Variants in ADCY2 observed in about 807,000 individuals in gnomAD.
ADCY2 encodes the protein adenylate cyclase 2, also known as adenylate cyclase type 2.
Under a neutral mutation model 125.2 loss-of-function variants are expected in ADCY2, and 31 were observed. That is an observed-to-expected ratio of 0.25 (90% CI 0.19 to 0.33). The LOEUF is 0.33. Ranked by LOEUF, ADCY2 falls within the 10% of genes least tolerant of loss-of-function variation. The pLI, the probability that ADCY2 is intolerant of heterozygous loss-of-function variation, is 1.00. For missense variants in ADCY2, 904 were observed against 1,418.2 expected (o/e 0.64, Z 5.82); for synonymous variants, 512 against 548.4 (o/e 0.93, Z 0.93).
intron 15 of ADCY2, among the ~76,000 whole-genome samples, chr5:7,748,522 A>ACG: frequency 2.8e-5 from 1 of 36,114 alleles, no homozygotes; most frequent in African/African-American, 7.4e-5. Flanking sequence ...ACCCTCCAAC[A>ACG]CACACACACA....
At position 7,589,119 on chromosome 5, in the gene ADCY2, T is replaced by TGC. The variant is rs1475070477; in HGVS notation, c.571-37048_571-37047insGC. 5.9e-5 allele frequency among the ~76,000 whole-genome samples: 9 copies of TGC among 152,128 alleles called. 1 individual carries two copies. Among genetic ancestry groups the TGC allele is most frequent in the African/African-American group, 2.2e-4 (9 of 41,440 alleles). On this transcript the variant is annotated intron_variant, in intron 3 of 24. Coordinates refer to ENST00000338316, the MANE Select transcript of ADCY2 (RefSeq NM_020546.3). ...ATTTGCAAGGCACTGTAATGGTCCTTAATAGCCACTTGATAATTGCACAAT... is the reference window on the plus strand; with the variant it reads ...ATTTGCAAGGCACTGTAATGGTCCTTGCAATAGCCACTTGATAATTGCACAAT...
chr5:7,454,935 T>C (rs961287005), intron 2 of ADCY2, among the ~76,000 whole-genome samples: 3 of 152,196 alleles, frequency 2.0e-5, no homozygotes, highest in African/African-American at 7.2e-5. Context: ...ATCCCCCTCA[T>C]GCATAGAGCA....
chr5:7,503,759 C>T (rs1315621397), intron 2 of ADCY2, among the ~76,000 whole-genome samples: 2 of 152,202 alleles, frequency 1.3e-5, no homozygotes, highest in African/African-American at 2.4e-5. Context: ...TAGAGATCAG[C>T]GCCAATGTGC....
intron 4 of ADCY2, among the ~76,000 whole-genome samples, chr5:7,673,287 A>ATATATATATATGT (rs58507866): frequency 3.2e-5 from 1 of 31,260 alleles, no homozygotes; most frequent in Non-Finnish European, 6.3e-5. Flanking sequence ...TATATATATA[A>ATATATATATATGT]AATTAGCCAG....
intron 2 of ADCY2, among the ~76,000 whole-genome samples, chr5:7,483,097 A>G (rs1742798191): frequency 6.6e-6 from 1 of 152,106 alleles, no homozygotes; most frequent in Non-Finnish European, 1.5e-5. Context: ...TCTAGTGCCC[A>G]GTAACACAGT....
intron 7 of ADCY2, among the ~76,000 whole-genome samples, chr5:7,706,221 C>T (rs1741262422): frequency 6.6e-6 from 1 of 152,176 alleles, no homozygotes; most frequent in Non-Finnish European, 1.5e-5. Flanking sequence ...ATGTGCACAA[C>T]TGGAAAGGCT....
At chr5:7,461,346 C>T (rs13359218) in intron 2 of ADCY2, among the ~76,000 whole-genome samples, 1,794 of 152,312 alleles carry the variant, frequency 0.012, 35 homozygotes, top group African/African-American at 0.041. Context: ...AGGCAACTGG[C>T]AAGCTCCGCC....
chr5:7,820,500 TA>T (rs796499238), intron 23 of ADCY2, 64 bp from the exon 24 acceptor site: 24 of 1,576,634 alleles, frequency 1.5e-5, no homozygotes, highest in East Asian at 9.3e-5. Flanking sequence ...TCTCAAAAAA[TA>T]AAAAAAATAA....
At chr5:7,567,308 C>T (rs1202929763) in intron 3 of ADCY2, among the ~76,000 whole-genome samples, 1 of 152,144 alleles carries the variant, frequency 6.6e-6, no homozygotes, top group Non-Finnish European at 1.5e-5. Flanking sequence ...AGACTTCTCT[C>T]TGGTTTCTGT....
Position 7,396,496 on chromosome 5 carries a change from C to T in ADCY2, c.200C>T (p.Ala67Val). The part of the protein sequence containing the change: ...SCLALLAVFF[A>V]LGLEVEDHVA... The stretch of plus-strand genomic sequence containing the variant: ...CTCGCCCTGCTCGCCGTCTTCTTCG[C>T]GCTCGGGCTGGTGAGTGGCCTCCCC... Residue 67 changes from alanine (A) to valine (V), a missense_variant, in exon 1 of 25, where the codon GCG (alanine) becomes GTG (valine). Ala to Val is a moderately conservative substitution (Grantham distance 64). Coordinates refer to ENST00000338316, the MANE Select transcript of ADCY2 (RefSeq NM_020546.3). This position sits in a 1 kb window ranked among gnomAD's most constrained non-coding sequence, Gnocchi z 5.7. 6 of 1,564,404 alleles carry T rather than the reference C, an allele frequency of 3.8e-6. No homozygotes were observed. Among genetic ancestry groups the T allele is most frequent in the Non-Finnish European group, 5.2e-6 (6 of 1,155,976 alleles).
chr5:7,483,188 A>G (rs1742801223), intron 2 of ADCY2, among the ~76,000 whole-genome samples: 1 of 152,210 alleles, frequency 6.6e-6, no homozygotes, highest in South Asian at 2.1e-4. Context: ...CCAACAAAAA[A>G]TGACAAATGT....
intron 15 of ADCY2, 66 bp from the exon 16 acceptor site, chr5:7,757,383 C>A: frequency 6.4e-7 from 1 of 1,568,080 alleles, no homozygotes; most frequent in African/African-American, 1.4e-5. Flanking sequence ...TAAACATTGT[C>A]ATCAAGAAAC....
chr5:7,527,303 G>A (rs1028026560), intron 3 of ADCY2, among the ~76,000 whole-genome samples: 8 of 152,268 alleles, frequency 5.3e-5, no homozygotes, highest in Non-Finnish European at 1.2e-4. Context: ...TTATTTCATC[G>A]TACATATACA....
chr5:7,764,451 A>G (rs765712861), intron 16 of ADCY2, among the ~76,000 whole-genome samples: 3 of 152,270 alleles, frequency 2.0e-5, no homozygotes, highest in Non-Finnish European at 4.4e-5. Context: ...AGTTAACTAT[A>G]GTCTAGTCAG....
chr5:7,728,667 A>C (rs967894890), intron 14 of ADCY2, among the ~76,000 whole-genome samples: 1 of 152,222 alleles, frequency 6.6e-6, no homozygotes, highest in African/African-American at 2.4e-5. Flanking sequence ...TTTGAAAGCT[A>C]CATACGTGAA....
chr5:7,793,449 T>TCAA (rs1012626138), intron 20 of ADCY2, among the ~76,000 whole-genome samples: 4 of 152,004 alleles, frequency 2.6e-5, no homozygotes, highest in African/African-American at 7.3e-5. Flanking sequence ...AGACACCATC[T>TCAA]CAACAACAAC....
chr5:7,477,983 A>G (rs1468308863), intron 2 of ADCY2, among the ~76,000 whole-genome samples: 1 of 152,170 alleles, frequency 6.6e-6, no homozygotes, highest in Non-Finnish European at 1.5e-5. Context: ...TTTAACCCAC[A>G]TGGTGTCTGG....
At chr5:7,791,263 C>A (rs1389942211) in intron 20 of ADCY2, among the ~76,000 whole-genome samples, 3 of 151,882 alleles carry the variant, frequency 2.0e-5, no homozygotes, top group South Asian at 2.1e-4. Flanking sequence ...AGAGGTGTAA[C>A]CCCTGTTCTT....
intron 5 of ADCY2, chr5:7,691,069 C>T: frequency 2.8e-6 from 1 of 358,944 alleles, no homozygotes; most frequent in Non-Finnish European, 4.8e-6. Flanking sequence ...TTGAGTTGTC[C>T]TTCATAGCCC....
Sources: allele counts gnomAD v4.1 joint callset (sites outside exome capture counted in the v4.1 genomes callset), GRCh38; gene constraint gnomAD v4.1.1; non-coding constraint Gnocchi (gnomAD v3.1); transcripts MANE v1.5; gene names NCBI Gene and HGNC (gene_info 2026-07-23, HGNC 2026-07-21).